Variants in TMEM117 observed in about 807,000 individuals in gnomAD.
The protein encoded by TMEM117 is transmembrane protein 117.
In TMEM117, 27 loss-of-function variants were observed where a neutral mutation model predicts 52.4. The observed-to-expected ratio is 0.51, with a 90% CI of 0.38 to 0.71. TMEM117 has a LOEUF of 0.71. Ranked by LOEUF, TMEM117 falls within the 30% of genes least tolerant of loss-of-function variation. TMEM117 has a pLI of 0.00. For missense variants in TMEM117, 556 were observed against 630.5 expected (o/e 0.88, Z 1.26); for synonymous variants, 215 against 206.3 (o/e 1.04, Z -0.36).
At chr12:43,842,170 A>G (rs1388401664) in intron 1 of TMEM117, among the ~76,000 whole-genome samples, 1 of 151,822 alleles carries the variant, frequency 6.6e-6, no homozygotes, top group Non-Finnish European at 1.5e-5. Flanking sequence ...ATGAAAACAC[A>G]TAAAAGTTCA....
intron 4 of TMEM117, among the ~76,000 whole-genome samples, chr12:44,186,161 T>C (rs890615998): frequency 3.3e-5 from 5 of 152,206 alleles, no homozygotes; most frequent in East Asian, 1.9e-4. Flanking sequence ...AAAAGGGCCA[T>C]TGGGAGTCCT....
the TMEM117 span, among the ~76,000 whole-genome samples, chr12:44,397,499 T>A: frequency 8.5e-5 from 13 of 152,196 alleles, no homozygotes; most frequent in African/African-American, 3.1e-4. Context: ...TACATGTTGC[T>A]CTCTGAAAGC....
chr12:44,181,855 A>G (rs1465579539), intron 4 of TMEM117, among the ~76,000 whole-genome samples: 1 of 151,632 alleles, frequency 6.6e-6, no homozygotes, highest in Non-Finnish European at 1.5e-5. Flanking sequence ...TTGGTTCCAT[A>G]TGAACTTTAA....
intron 2 of TMEM117, among the ~76,000 whole-genome samples, chr12:43,891,716 T>C (rs1486197311): frequency 6.6e-6 from 1 of 152,074 alleles, no homozygotes; most frequent in African/African-American, 2.4e-5. Flanking sequence ...TAGAAAACAC[T>C]CATATCCTCT....
intron 5 of TMEM117, among the ~76,000 whole-genome samples, chr12:44,259,983 A>C (rs1950303032): frequency 6.6e-6 from 1 of 152,178 alleles, no homozygotes; most frequent in Non-Finnish European, 1.5e-5. Context: ...ATATCTGAGA[A>C]CATTTAGAAC....
chr12:44,045,132 A>G (rs1244572079), intron 3 of TMEM117, among the ~76,000 whole-genome samples: 1 of 152,186 alleles, frequency 6.6e-6, no homozygotes, highest in Non-Finnish European at 1.5e-5. Flanking sequence ...CTCTTTCCCC[A>G]GTCACCCCTG....
intron 7 of TMEM117, 36 bp from the exon 8 acceptor site, chr12:44,387,990 C>A (rs1204151732): frequency 1.0e-5 from 16 of 1,546,158 alleles, no homozygotes; most frequent in Non-Finnish European, 1.3e-5. Flanking sequence ...AATTTTATGG[C>A]CCTTTGATTA....
chr12:44,098,171 A>G (rs1168208297), intron 3 of TMEM117, among the ~76,000 whole-genome samples: 1 of 152,080 alleles, frequency 6.6e-6, no homozygotes, highest in Non-Finnish European at 1.5e-5. Flanking sequence ...CAGCCAAACA[A>G]ATATATATTG....
intron 4 of TMEM117, among the ~76,000 whole-genome samples, chr12:44,160,289 A>G (rs576302297): frequency 2.6e-5 from 4 of 152,170 alleles, no homozygotes; most frequent in African/African-American, 9.6e-5. Context: ...ATGTATATAT[A>G]TATACACACA....
At chr12:44,280,749 T>A (rs1337207986) in intron 5 of TMEM117, among the ~76,000 whole-genome samples, 2 of 148,742 alleles carry the variant, frequency 1.3e-5, no homozygotes, top group African/African-American at 5.0e-5. Flanking sequence ...AATATAACTT[T>A]CAAATTCAAA....
At chr12:44,116,142 TTC>T (rs1565834457) in intron 3 of TMEM117, among the ~76,000 whole-genome samples, 2 of 152,236 alleles carry the variant, frequency 1.3e-5, no homozygotes, top group African/African-American at 4.8e-5. Flanking sequence ...ATTCTTAATT[TTC>T]TCTCTTTAAG....
chr12:44,098,170 A>G (rs1056626799), intron 3 of TMEM117, among the ~76,000 whole-genome samples: 4 of 152,100 alleles, frequency 2.6e-5, no homozygotes, highest in African/African-American at 4.8e-5. Context: ...TCAGCCAAAC[A>G]AATATATATT....
intron 3 of TMEM117, among the ~76,000 whole-genome samples, chr12:44,065,767 G>A (rs1306273141): frequency 2.6e-5 from 4 of 152,118 alleles, no homozygotes; most frequent in East Asian, 1.9e-4. Context: ...AATCCCACTC[G>A]TGTACAGATA....
intron 3 of TMEM117, among the ~76,000 whole-genome samples, chr12:44,058,276 A>C (rs1291544241): frequency 1.3e-5 from 2 of 152,188 alleles, no homozygotes; most frequent in African/African-American, 4.8e-5. Context: ...TACGTATATC[A>C]CAAGGGATAG....
intron 2 of TMEM117, among the ~76,000 whole-genome samples, chr12:43,861,185 A>G (rs1219588651): frequency 6.6e-6 from 1 of 152,194 alleles, no homozygotes; most frequent in Non-Finnish European, 1.5e-5. Context: ...GTGGTCCTGG[A>G]GGCAGCCATG....
intron 3 of TMEM117, among the ~76,000 whole-genome samples, chr12:43,983,585 TG>T (rs1201846500): frequency 6.8e-6 from 1 of 147,656 alleles, no homozygotes; most frequent in African/African-American, 2.5e-5. Context: ...TGTGTGTGTG[TG>T]TGTGTGTATG....
At chr12:44,323,897 A>T (rs2138706490) in intron 6 of TMEM117, among the ~76,000 whole-genome samples, 1 of 152,164 alleles carries the variant, frequency 6.6e-6, no homozygotes, top group Non-Finnish European at 1.5e-5. Flanking sequence ...TGGTTATGTT[A>T]GTCTTATAAA....
chr12:44,216,844 A>G (rs747677850), intron 5 of TMEM117, among the ~76,000 whole-genome samples: 1 of 151,962 alleles, frequency 6.6e-6, no homozygotes, highest in Non-Finnish European at 1.5e-5. Context: ...ATTAAATTTT[A>G]TGTTTTCTCT....
chr12:44,338,485 C>G (rs1380116301), intron 6 of TMEM117, among the ~76,000 whole-genome samples: 1 of 151,826 alleles, frequency 6.6e-6, no homozygotes, highest in Admixed American at 6.6e-5. Context: ...CACATACACA[C>G]ACACACGAAA....
Sources: allele counts gnomAD v4.1 joint callset (sites outside exome capture counted in the v4.1 genomes callset), GRCh38; gene constraint gnomAD v4.1.1; transcripts MANE v1.5; gene names NCBI Gene and HGNC (gene_info 2026-07-23, HGNC 2026-07-21).